The following SPAG16 variants were observed in gnomAD, a reference collection of about 807,000 sequenced individuals.
The protein encoded by SPAG16 is sperm-associated antigen 16 protein.
SPAG16 carries 86 observed loss-of-function variants against 80.4 expected under a neutral mutation model. The observed-to-expected ratio is 1.07, with a 90% CI of 0.90 to 1.28. SPAG16 has a LOEUF of 1.28. Among genes scored for constraint, SPAG16 ranks in the 50% most tolerant of loss-of-function variants. The probability of loss-of-function intolerance (pLI) is 0.00; values close to 1 mark genes in which losing one functional copy is unlikely to be tolerated. For missense variants in SPAG16, 870 were observed against 765.3 expected (o/e 1.14, Z -1.61); for synonymous variants, 294 against 265.9 (o/e 1.11, Z -1.03).
At chr2:213,994,903 A>G (rs1216319536) in intron 12 of SPAG16, among the ~76,000 whole-genome samples, 2 of 152,216 alleles carry the variant, frequency 1.3e-5, no homozygotes, top group African/African-American at 2.4e-5. Context: ...CCAGCTCACT[A>G]TCTTATTTGC....
chr2:214,217,857 A>T (rs1261144895), intron 15 of SPAG16, among the ~76,000 whole-genome samples: 1 of 152,140 alleles, frequency 6.6e-6, no homozygotes, highest in Non-Finnish European at 1.5e-5. Flanking sequence ...GACATTCTGA[A>T]GTGCTTTTGT....
At chr2:213,335,018 A>G (rs528217245) in intron 5 of SPAG16, among the ~76,000 whole-genome samples, 42 of 152,310 alleles carry the variant, frequency 2.8e-4, no homozygotes, top group African/African-American at 1.0e-3. Flanking sequence ...ATTATTACAC[A>G]TGCATGCCTG....
At position 213,366,001 on chromosome 2, in the gene SPAG16, G is replaced by T. The variant is rs575664485; in HGVS notation, c.832+1856G>T. Among the ~76,000 whole-genome samples, 16 of 150,172 alleles carry T rather than the reference G, an allele frequency of 1.1e-4. No individual in the cohort carries two copies. In the East Asian group the frequency reaches 2.2e-3, roughly 21 times the overall value. The stretch of plus-strand genomic sequence containing the variant: ...ACTAAAAATACAAAAAATTAGCTGG[G>T]CGTAGTGGCGGGCGCCTGTAGTCCC... On this transcript the variant is annotated intron_variant, in intron 8 of 15. Coordinates refer to ENST00000331683, the MANE Select transcript of SPAG16 (RefSeq NM_024532.5).
intron 10 of SPAG16, among the ~76,000 whole-genome samples, chr2:213,721,314 G>A (rs909849312): frequency 1.3e-5 from 2 of 150,906 alleles, no homozygotes; most frequent in Non-Finnish European, 3.0e-5. Flanking sequence ...GGCGAGGCTC[G>A]TCTCGAACTC....
At chr2:213,658,363 C>T (rs1226905025) in intron 10 of SPAG16, among the ~76,000 whole-genome samples, 3 of 152,112 alleles carry the variant, frequency 2.0e-5, no homozygotes, top group Non-Finnish European at 2.9e-5. Context: ...CTAGATCAGG[C>T]TTCCTCTCTC....
intron 15 of SPAG16, among the ~76,000 whole-genome samples, chr2:214,255,180 C>G (rs905786948): frequency 1.8e-4 from 28 of 152,128 alleles, no homozygotes; most frequent in African/African-American, 6.7e-4. Context: ...TCAATCTAAT[C>G]AGTGTCTATC....
At chr2:213,646,979 T>A (rs2062844642) in intron 10 of SPAG16, among the ~76,000 whole-genome samples, 1 of 151,868 alleles carries the variant, frequency 6.6e-6, no homozygotes, top group South Asian at 2.1e-4. Flanking sequence ...TACTTAGCAA[T>A]TTAAACATAA....
chr2:213,428,732 CT>C (rs775574916), intron 9 of SPAG16, among the ~76,000 whole-genome samples: 5 of 152,178 alleles, frequency 3.3e-5, no homozygotes, highest in Non-Finnish European at 7.3e-5. Flanking sequence ...CTGCACATGA[CT>C]TTACTGAGTG....
Position 214,113,378 on chromosome 2 carries a change from T to C in SPAG16, c.1593+5117T>C, listed in dbSNP as rs569554761. ...GAATGTTGTTGAATGCCTTGCTAGG[T>C]TGGGGAAGTTCTCCTGGATAATGTC... On this transcript the variant is annotated intron_variant, in intron 14 of 15. Coordinates refer to ENST00000331683, the MANE Select transcript of SPAG16 (RefSeq NM_024532.5). Among the ~76,000 whole-genome samples the C allele has an allele frequency of 2.0e-5, 3 of 152,326 alleles. No individual in the cohort carries two copies. The East Asian group carries it at 5.8e-4, about 29-fold the overall frequency.
chr2:214,390,488 A>G (rs1449258389), intron 15 of SPAG16, among the ~76,000 whole-genome samples: 2 of 152,254 alleles, frequency 1.3e-5, no homozygotes, highest in Admixed American at 1.3e-4. Flanking sequence ...CTCAGCTCCC[A>G]CTTTATCTCA....
intron 11 of SPAG16, among the ~76,000 whole-genome samples, chr2:213,894,288 A>G (rs541609859): frequency 2.6e-5 from 4 of 152,314 alleles, no homozygotes; most frequent in African/African-American, 9.6e-5. Flanking sequence ...ATGGTTCAGC[A>G]TACACAAATC....
intron 13 of SPAG16, among the ~76,000 whole-genome samples, chr2:214,056,157 A>C (rs192336630): frequency 8.5e-5 from 13 of 152,242 alleles, no homozygotes; most frequent in African/African-American, 2.6e-4. Flanking sequence ...TTTGTCTTCT[A>C]ATAACTGAAA....
rs1200809297 is a variant in SPAG16 at position 214,371,611 on chromosome 2, C to T, written c.1721-38529C>T. Among the ~76,000 whole-genome samples, 3 of 148,050 alleles carry T rather than the reference C, an allele frequency of 2.0e-5. 1 individual carries two copies. Among genetic ancestry groups the T allele is most frequent in the Admixed American group, 6.7e-5 (1 of 14,876 alleles). On this transcript the variant is annotated intron_variant, in intron 15 of 15. Coordinates refer to ENST00000331683, the MANE Select transcript of SPAG16 (RefSeq NM_024532.5). ...AGGAAGATAAATTCATATAAGCCAACAATATAAATTATAACACATAAGATA... is the reference window on the plus strand; with the variant it reads ...AGGAAGATAAATTCATATAAGCCAATAATATAAATTATAACACATAAGATA...
At chr2:214,037,575 T>A (rs767445054) in intron 13 of SPAG16, among the ~76,000 whole-genome samples, 46 of 152,144 alleles carry the variant, frequency 3.0e-4, no homozygotes, top group Non-Finnish European at 5.6e-4. Flanking sequence ...TATCCTGTTC[T>A]GTGTGCACTT....
At chr2:214,370,175 A>T (rs569373628) in intron 15 of SPAG16, among the ~76,000 whole-genome samples, 1 of 152,146 alleles carries the variant, frequency 6.6e-6, no homozygotes, top group African/African-American at 2.4e-5. Context: ...ATCCATCTTT[A>T]CCAGGTCCTC....
intron 12 of SPAG16, among the ~76,000 whole-genome samples, chr2:213,934,425 T>C (rs1452103881): frequency 6.6e-6 from 1 of 152,196 alleles, no homozygotes; most frequent in East Asian, 1.9e-4. Flanking sequence ...CAGCCACAGA[T>C]CATGAACTGT....
At chr2:213,308,912 G>T (rs966581575) in intron 3 of SPAG16, among the ~76,000 whole-genome samples, 5 of 152,088 alleles carry the variant, frequency 3.3e-5, no homozygotes, top group African/African-American at 9.7e-5. Flanking sequence ...TATAGGTTTG[G>T]ATTATTTAGT....
At chr2:213,375,510 T>C (rs1428525740) in intron 9 of SPAG16, among the ~76,000 whole-genome samples, 1 of 152,082 alleles carries the variant, frequency 6.6e-6, no homozygotes, top group Non-Finnish European at 1.5e-5. Context: ...TAGAATGAAA[T>C]AGCATTATGC....
intron 12 of SPAG16, among the ~76,000 whole-genome samples, chr2:213,992,346 A>G (rs186330409): frequency 4.9e-4 from 75 of 152,318 alleles, no homozygotes; most frequent in African/African-American, 1.8e-3. Flanking sequence ...TATGGTCGTC[A>G]CAGCTATAAT....
Sources: allele counts gnomAD v4.1 joint callset (sites outside exome capture counted in the v4.1 genomes callset), GRCh38; gene constraint gnomAD v4.1.1; transcripts MANE v1.5; gene names NCBI Gene and HGNC (gene_info 2026-07-23, HGNC 2026-07-21).